The following SNX29 variants were observed in gnomAD, a reference collection of about 807,000 sequenced individuals.
SNX29 encodes the protein sorting nexin-29.
Under a neutral mutation model 102.1 loss-of-function variants are expected in SNX29, and 78 were observed. The observed-to-expected ratio is 0.76, with a 90% CI of 0.64 to 0.92. SNX29 has a LOEUF of 0.92. Among genes scored for constraint, SNX29 ranks in the 40% least tolerant of loss-of-function variants. The pLI is 0.00. For synonymous variants in SNX29, 580 were observed against 414.5 expected (o/e 1.40, Z -4.85); for missense variants, 1,280 against 1,061.7 (o/e 1.21, Z -2.86).
At chr16:12,477,483 A>G (rs570610537) in intron 18 of SNX29, among the ~76,000 whole-genome samples, 1 of 152,322 alleles carries the variant, frequency 6.6e-6, no homozygotes, top group African/African-American at 2.4e-5. Context: ...ATGTTGGGAA[A>G]ATAGCATACA....
intron 14 of SNX29, among the ~76,000 whole-genome samples, chr16:12,275,032 T>G (rs2079202391): frequency 6.6e-6 from 1 of 152,266 alleles, no homozygotes; most frequent in African/African-American, 2.4e-5. Flanking sequence ...TGTTTATTCC[T>G]GTCTCAGTCT....
At chr16:12,427,328 T>A (rs1174244261) in intron 18 of SNX29, among the ~76,000 whole-genome samples, 1 of 152,148 alleles carries the variant, frequency 6.6e-6, no homozygotes, top group East Asian at 1.9e-4. Flanking sequence ...CTCTTATTTT[T>A]AAATGTTGGC....
intron 11 of SNX29, among the ~76,000 whole-genome samples, chr16:12,080,948 C>G (rs1443154672): frequency 6.6e-6 from 1 of 152,148 alleles, no homozygotes; most frequent in Non-Finnish European, 1.5e-5. Flanking sequence ...TCCCAAAGTG[C>G]TGGGATTACA....
At chr16:12,341,105 A>G (rs181391336) in intron 15 of SNX29, among the ~76,000 whole-genome samples, 14 of 152,214 alleles carry the variant, frequency 9.2e-5, no homozygotes, top group East Asian at 5.8e-4. Flanking sequence ...CATCCAACCT[A>G]TGGTTACTAT....
intron 20 of SNX29, among the ~76,000 whole-genome samples, chr16:12,563,696 G>C (rs2865572): frequency 0.96 from 146,859 of 152,278 alleles, 70,982 homozygotes; most frequent in African/African-American, 0.99. Flanking sequence ...CTGGCCTCAT[G>C]TAAGAGGAAC....
intron 14 of SNX29, among the ~76,000 whole-genome samples, chr16:12,253,743 A>C (rs1032231856): frequency 1.3e-5 from 2 of 152,056 alleles, no homozygotes; most frequent in African/African-American, 2.4e-5. Flanking sequence ...GCAGGTGGGA[A>C]TGAGAAGGGG....
At position 12,476,685 on chromosome 16, in the gene SNX29, A is replaced by G. The variant is rs1444581525; in HGVS notation, c.2038-1034A>G. 3.3e-5 allele frequency among the ~76,000 whole-genome samples: 5 copies of G among 151,620 alleles called. No homozygotes were observed. The South Asian group carries it at 8.3e-4, about 25-fold the overall frequency. ...CCATCTCACTCCATCGGAAACATCT[A>G]TCCATTCGCTAATTGAAATGTCGTG... On this transcript the variant is annotated intron_variant, in intron 18 of 20. Coordinates refer to ENST00000566228, the MANE Select transcript of SNX29 (RefSeq NM_032167.5).
At position 12,572,853 on chromosome 16, in the gene SNX29, A is replaced by G. The variant is rs2079217067; in HGVS notation, c.*4224A>G. 2.8e-6 allele frequency: 3 copies of G among 1,063,592 alleles called. No homozygotes were observed. Among genetic ancestry groups the G allele is most frequent in the African/African-American group, 1.6e-5 (1 of 60,988 alleles). 65.9% of individuals were successfully genotyped at this position (1,063,592 alleles called of 1,614,324 possible). A position where few individuals can be genotyped will look rare whatever the true frequency, so the allele number is the denominator to read the frequency against. On this transcript the variant is annotated 3_prime_UTR_variant, in exon 21 of 21. Coordinates refer to ENST00000566228, the MANE Select transcript of SNX29 (RefSeq NM_032167.5). Reference sequence around the variant, plus strand: ...AGGGGCAGCCTCATGCCCAGGTTTCAGCCCTAAAGGTAATGATTGTCTTGA... The same window carrying G: ...AGGGGCAGCCTCATGCCCAGGTTTCGGCCCTAAAGGTAATGATTGTCTTGA...
At chr16:12,463,779 C>T (rs1320426022) in intron 18 of SNX29, among the ~76,000 whole-genome samples, 4 of 151,238 alleles carry the variant, frequency 2.6e-5, no homozygotes, top group Admixed American at 1.3e-4. Context: ...GTAATGACTG[C>T]CACAATCAGA....
chr16:12,552,946 C>T (rs1268656848), intron 20 of SNX29, among the ~76,000 whole-genome samples: 1 of 152,204 alleles, frequency 6.6e-6, no homozygotes. Context: ...TATGCCACGT[C>T]ATCAGGAACA....
chr16:12,171,803 T>C (rs1343714321), intron 13 of SNX29, among the ~76,000 whole-genome samples: 1 of 152,236 alleles, frequency 6.6e-6, no homozygotes, highest in African/African-American at 2.4e-5. Flanking sequence ...GCCTCTAATG[T>C]CTTGTGGTGT....
At chr16:12,093,666 A>G (rs1431089332) in intron 11 of SNX29, 1 of 152,224 alleles carries the variant, frequency 6.6e-6, no homozygotes, top group Non-Finnish European at 1.5e-5. Context: ...TCGTTTTCCC[A>G]GTCCTTGAAA....
At chr16:12,217,694 A>G (rs2077362217) in intron 14 of SNX29, among the ~76,000 whole-genome samples, 1 of 152,144 alleles carries the variant, frequency 6.6e-6, no homozygotes, top group South Asian at 2.1e-4. Context: ...TGGAGCATGA[A>G]TGATTGGATT....
intron 14 of SNX29, among the ~76,000 whole-genome samples, chr16:12,259,794 T>G (rs1364581954): frequency 1.3e-5 from 2 of 152,078 alleles, no homozygotes; most frequent in South Asian, 2.1e-4. Context: ...GTAACAAGTT[T>G]CCCCTTCCCT....
chr16:12,147,721 AT>A (rs1306813879), intron 13 of SNX29, among the ~76,000 whole-genome samples: 1 of 152,180 alleles, frequency 6.6e-6, no homozygotes, highest in African/African-American at 2.4e-5. Context: ...TTGCAGCCTG[AT>A]TATTCGTAGA....
chr16:12,332,028 G>A (rs2081304794), intron 15 of SNX29, among the ~76,000 whole-genome samples: 1 of 152,006 alleles, frequency 6.6e-6, no homozygotes, highest in Non-Finnish European at 1.5e-5. Flanking sequence ...CCACTGCACT[G>A]GAGCCTGGGT....
chr16:12,140,108 CAGG>C (rs1345672796), intron 13 of SNX29, among the ~76,000 whole-genome samples: 8 of 151,576 alleles, frequency 5.3e-5, no homozygotes, highest in African/African-American at 9.7e-5. Flanking sequence ...CTTAAACCTA[CAGG>C]AGAAGAGCTA....
chr16:12,133,115 G>A (rs1217900242), intron 13 of SNX29, among the ~76,000 whole-genome samples: 2 of 152,160 alleles, frequency 1.3e-5, no homozygotes, highest in Non-Finnish European at 2.9e-5. Flanking sequence ...CCTCAGGTGT[G>A]TGTGTGTTTA....
rs185535802 is a variant in SNX29 at position 12,538,198 on chromosome 16, C to T, written c.2318+13357C>T. 1.4e-4 allele frequency among the ~76,000 whole-genome samples: 21 copies of T among 152,256 alleles called. No homozygotes were observed. In the East Asian group the frequency reaches 1.7e-3, roughly 13 times the overall value. On this transcript the variant is annotated intron_variant, in intron 20 of 20. Coordinates refer to ENST00000566228, the MANE Select transcript of SNX29 (RefSeq NM_032167.5). ...TGGTGTGATCTAGGCTCACCGCAAG[C>T]TCTGTGTTCTGGGTTCATGCCATTC... is the stretch of plus-strand genomic sequence containing the variant.
Sources: gnomAD v4.1 joint callset for allele counts (sites outside exome capture counted in the v4.1 genomes callset) on GRCh38, gnomAD v4.1.1 for gene constraint, MANE v1.5 for transcripts, NCBI Gene and HGNC (gene_info 2026-07-23, HGNC 2026-07-21) for gene names.